Variants in NUP160 observed in about 807,000 individuals in gnomAD.
NUP160 encodes the protein nuclear pore complex protein Nup160.
NUP160 carries 94 observed loss-of-function variants against 196.9 expected under a neutral mutation model. The ratio of observed to expected loss-of-function variants is 0.48; its 90% CI spans 0.40 to 0.57. The LOEUF (loss-of-function observed/expected upper bound fraction) is 0.57. Among genes scored for constraint, NUP160 ranks in the 20% least tolerant of loss-of-function variants. The probability of loss-of-function intolerance (pLI) is 0.00; values close to 1 mark genes in which losing one functional copy is unlikely to be tolerated. For missense variants in NUP160, 1,638 were observed against 1,748.3 expected, an observed-to-expected ratio of 0.94 and a Z score of 1.13; for synonymous variants, 605 against 619.7, an observed-to-expected ratio of 0.98 and a Z score of 0.35.
chr11:47,788,529 C>G, exon 30 of NUP160: 1 of 1,613,832 alleles, frequency 6.2e-7, no homozygotes, highest in Non-Finnish European at 8.5e-7. Context: ...ATGGATCATG[C>G]TGAGCCAAAG....
At chr11:47,792,029 G>A (rs2097668169) in intron 28 of NUP160, 39 bp from the exon 29 acceptor site, 4 of 1,399,964 alleles carry the variant, frequency 2.9e-6, no homozygotes, top group South Asian at 1.2e-5. Flanking sequence ...GTGAAAATCA[G>A]TATTTTATTC....
exon 6 of NUP160, chr11:47,836,913 G>A: frequency 6.2e-7 from 1 of 1,610,972 alleles, no homozygotes; most frequent in Non-Finnish European, 8.5e-7. Context: ...CGTAGTTTAT[G>A]ATCCTGACAC....
rs189012297 is a variant in NUP160, at chr11:47,822,935, T to C, written c.1102-771A>G. Among the ~76,000 whole-genome samples the C allele has an allele frequency of 4.3e-3, 658 of 152,382 alleles. 3 individuals are homozygous for C. Among genetic ancestry groups the C allele is most frequent in the African/African-American group, 0.015 (641 of 41,596 alleles). The stretch of plus-strand genomic sequence containing the variant: ...TATGGCTGCATAGTATTCCATGGTG[T>C]ATATGTGCCACATTTTCTTAATCCA... On this transcript the variant is annotated intron_variant, in intron 7 of 35. Coordinates refer to ENST00000378460, the Ensembl canonical transcript of NUP160.
At chr11:47,780,523 C>A in intron 34 of NUP160, 76 bp from the exon 35 acceptor site, 2 of 827,138 alleles carry the variant, frequency 2.4e-6, no homozygotes, top group Non-Finnish European at 3.9e-6. Context: ...TCATAGGACT[C>A]TGTAGAATAA....
At chr11:47,808,409 G>C (rs370248184) in exon 18 of NUP160, 5 of 1,612,604 alleles carry the variant, frequency 3.1e-6, no homozygotes, top group African/African-American at 2.7e-5. Context: ...GTGTCAAGTG[G>C]AACATCAGTT....
chr11:47,816,020 G>A lies in NUP160; in HGVS notation c.1441C>T (p.Arg481Ter). Residue 481 changes from arginine (R) to a stop codon, truncating the protein, a stop_gained, in exon 12 of 36, where the codon CGA (arginine) becomes TGA (stop). Transcript: ENST00000378460. LOFTEE classifies it high-confidence loss of function. ...AGATCCAAATTCCTCTCAGTTCCTC[G>A]GCAGAAAATCTAACATTAAAAGACA... The A allele has an allele frequency of 3.7e-6, 6 of 1,611,674 alleles. No individual in the cohort carries two copies. The highest frequency in any genetic ancestry group is 1.1e-5 in the South Asian group (1 of 90,970).
At chr11:47,806,293 A>G in exon 20 of NUP160, 3 of 1,613,594 alleles carry the variant, frequency 1.9e-6, no homozygotes, top group Non-Finnish European at 2.5e-6. Context: ...ATAACTCCAC[A>G]ATAGTCTGAG....
At chr11:47,780,367 G>A in exon 35 of NUP160, 7 of 1,613,204 alleles carry the variant, frequency 4.3e-6, no homozygotes, top group South Asian at 1.1e-5. Flanking sequence ...TGTTGGCACT[G>A]TTCTCTCCCA....
chr11:47,838,772 G>C (rs1852233861), intron 4 of NUP160, among the ~76,000 whole-genome samples: 1 of 152,088 alleles, frequency 6.6e-6, no homozygotes, highest in South Asian at 2.1e-4. Flanking sequence ...TTGGGAGGCT[G>C]AGGTGGGCAG....
exon 15 of NUP160, chr11:47,812,988 A>C: frequency 1.2e-6 from 2 of 1,611,878 alleles, no homozygotes; most frequent in South Asian, 1.1e-5. Flanking sequence ...ACAGTTACTG[A>C]CTCTTCAATC....
At chr11:47,813,234 G>T in intron 14 of NUP160, 82 bp downstream of exon 14, 1 of 1,137,470 alleles carries the variant, frequency 8.8e-7, no homozygotes, top group Non-Finnish European at 1.3e-6. Context: ...TGTGGCAATC[G>T]ATATTTTTTG....
chr11:47,810,814 G>A (rs2097680682), intron 17 of NUP160, among the ~76,000 whole-genome samples: 1 of 152,100 alleles, frequency 6.6e-6, no homozygotes, highest in South Asian at 2.1e-4. Context: ...GCAAAGTGCT[G>A]GGATTACAGG....
intron 27 of NUP160, among the ~76,000 whole-genome samples, chr11:47,795,273 T>C (rs1281712516): frequency 1.3e-5 from 2 of 152,350 alleles, no homozygotes; most frequent in South Asian, 2.1e-4. Context: ...TATTTTTGAA[T>C]ACCTGCAATA....
chr11:47,816,141 T>A (rs996974892), intron 11 of NUP160, 112 bp from the exon 12 acceptor site: 1 of 664,026 alleles, frequency 1.5e-6, no homozygotes, highest in Non-Finnish European at 2.6e-6. Flanking sequence ...AGATTTGGCA[T>A]ACCTGGAACA....
At chr11:47,786,845 G>C (rs2097664802) in intron 31 of NUP160, 1 of 308,568 alleles carries the variant, frequency 3.2e-6, no homozygotes, top group African/African-American at 2.2e-5. Flanking sequence ...CTGCAGTGCA[G>C]TGGTGCAATC....
intron 4 of NUP160, 105 bp downstream of exon 4, chr11:47,839,738 C>T (rs1057393094): frequency 1.5e-5 from 14 of 926,014 alleles, no homozygotes; most frequent in African/African-American, 4.9e-5. Flanking sequence ...TGACCAGTTC[C>T]GGGGCAGTAG....
chr11:47,805,906 C>T (rs530407745), intron 20 of NUP160, among the ~76,000 whole-genome samples: 6 of 152,100 alleles, frequency 3.9e-5, no homozygotes, highest in East Asian at 3.9e-4. Context: ...CTGCAACCTC[C>T]ACCTCCCAAG....
At position 47,819,470 on chromosome 11, in the gene NUP160, A is replaced by G; in HGVS notation, c.1278-12T>C. ...GACCTGCAACATTACTAGAGACAAA[A>G]AAGTCCACCAGTTTATACAGAAATG... On this transcript the variant is annotated splice_polypyrimidine_tract_variant and intron_variant, in intron 9 of 35. Transcript: ENST00000378460. The G allele has an allele frequency of 2.5e-6, 4 of 1,587,640 alleles. No individual in the cohort carries two copies. Among genetic ancestry groups the G allele is most frequent in the South Asian group, 2.2e-5 (2 of 90,522 alleles).
intron 22 of NUP160, among the ~76,000 whole-genome samples, chr11:47,803,221 T>C (rs533206553): frequency 6.6e-6 from 1 of 151,438 alleles, no homozygotes; most frequent in East Asian, 1.9e-4. Context: ...AGAGTTCTAA[T>C]ATTTTCTTAT....
Sources: gnomAD v4.1 joint callset for allele counts (sites outside exome capture counted in the v4.1 genomes callset) on GRCh38, gnomAD v4.1.1 for gene constraint, MANE v1.5 for transcripts, NCBI Gene and HGNC (gene_info 2026-07-23, HGNC 2026-07-21) for gene names.